PRSS16: variants seen among roughly 807,000 people sequenced by gnomAD.
The protein encoded by PRSS16 is serine protease 16.
Under a neutral mutation model 61.7 loss-of-function variants are expected in PRSS16, and 43 were observed. That is an observed-to-expected ratio of 0.70 (90% confidence interval 0.55 to 0.90). The LOEUF (loss-of-function observed/expected upper bound fraction) is 0.90, where lower values mean the gene tolerates loss of function less well. PRSS16 is among the 40% of genes least tolerant of loss of function. PRSS16 has a pLI of 0.00. For missense variants in PRSS16, 591 were observed against 659.1 expected (o/e 0.90, Z 1.13); for synonymous variants, 273 against 285.2 (o/e 0.96, Z 0.43).
At chr6:27,249,639 A>G (rs1333948734) in intron 4 of PRSS16, among the ~76,000 whole-genome samples, 1 of 152,244 alleles carries the variant, frequency 6.6e-6, no homozygotes, top group African/African-American at 2.4e-5. Context: ...TCCCTCAGAC[A>G]TCTTCTGTAT....
chr6:27,254,903 G>A (rs1159263116), intron 10 of PRSS16, 31 bp downstream of exon 10: 1 of 1,612,594 alleles, frequency 6.2e-7, no homozygotes, highest in Non-Finnish European at 8.5e-7. Flanking sequence ...TGGCTGCTAA[G>A]CCTCCACCTA....
In PRSS16 at chr6:27,254,695, G is replaced by A; in HGVS notation, c.1153G>A (p.Val385Ile). 1.2e-6 allele frequency: 2 copies of A among 1,611,300 alleles called. No homozygotes were observed. Among genetic ancestry groups the A allele is most frequent in the Non-Finnish European group, 1.7e-6 (2 of 1,177,510 alleles). Residue 385 changes from valine to isoleucine, a missense_variant and splice_region_variant, in exon 10 of 12, where the codon GTC (valine) becomes ATC (isoleucine). Val to Ile is a conservative substitution (Grantham distance 29, BLOSUM62 3). Coordinates refer to ENST00000230582, the MANE Select transcript of PRSS16 (RefSeq NM_005865.4). ...YQTCTEFGFY[V>I]TCENPRCPFS... ...CTTACAGGTATCTCCCTACACAGAT[G>A]TCACCTGTGAGAATCCCAGATGTCC...
In PRSS16 at chr6:27,252,429, A is replaced by G. The variant is rs1358039533; in HGVS notation, c.1009-379A>G. On this transcript the variant is annotated intron_variant, in intron 8 of 11. Transcript: ENST00000230582. This position sits in a 1 kb window ranked among gnomAD's most constrained non-coding sequence, Gnocchi z 4.2. ...ACCTGGGACTGCAGCCTCTAAATCC[A>G]CAACTGCAATCCAGCTGTCGCTTTT... Among the ~76,000 whole-genome samples the G allele has an allele frequency of 2.0e-5, 3 of 152,214 alleles. No individual in the cohort carries two copies. Among genetic ancestry groups the G allele is most frequent in the Admixed American group, 2.0e-4 (3 of 15,282 alleles).
At position 27,251,833 on chromosome 6, in the gene PRSS16, G is replaced by A. The variant is rs1759915162; in HGVS notation, c.801G>A (p.Thr267=). The stretch of plus-strand genomic sequence containing the variant: ...GGGCGGCTCAAGCAGCATTGCGGAC[G>A]GAGCTGAGCGCTTGCGGGCCCCTGG... ...SGGAAQAALR[T]ELSACGPLGR... Residue 267 remains threonine, a synonymous_variant, in exon 8 of 12, where the codon ACG becomes ACA. Transcript: ENST00000230582. This position sits in a 1 kb window ranked among gnomAD's most constrained non-coding sequence, Gnocchi z 5.6. 1 of 1,612,240 alleles carries A rather than the reference G, an allele frequency of 6.2e-7. No individual in the cohort carries two copies. Among genetic ancestry groups the A allele is most frequent in the South Asian group, 1.1e-5 (1 of 90,978 alleles).
Position 27,252,310 on chromosome 6 carries a change from G to A in PRSS16, c.1008+270G>A, listed in dbSNP as rs1205332575. 5 of 467,414 alleles carry A rather than the reference G, an allele frequency of 1.1e-5. No individual in the cohort carries two copies. The highest frequency in any genetic ancestry group is 1.1e-3 in the Middle Eastern group (2 of 1,846). 29.0% of individuals were successfully genotyped at this position (467,414 alleles called of 1,614,324 possible). The stretch of plus-strand genomic sequence containing the variant: ...ATCCTGTCCTGTTCTCTTTTGGGGG[G>A]CCTGCAGGAGTGCCTGGCACATGGC... On this transcript the variant is annotated intron_variant, in intron 8 of 11. Coordinates refer to ENST00000230582, the MANE Select transcript of PRSS16 (RefSeq NM_005865.4). The surrounding 1 kb of genome is among the most constrained non-coding windows in gnomAD (Gnocchi z 4.2).
rs1364240637 is a variant in PRSS16, at chr6:27,252,990, A to G, written c.1150+41A>G. ...AACCCTAACTTTGTCCCCTCAAACA[A>G]CCTTTTTACTATGCCCAGAGAAGTC... is the stretch of plus-strand genomic sequence containing the variant. On this transcript the variant is annotated intron_variant, in intron 9 of 11. Coordinates refer to ENST00000230582, the MANE Select transcript of PRSS16 (RefSeq NM_005865.4). The surrounding 1 kb of genome is among the most constrained non-coding windows in gnomAD (Gnocchi z 4.2). 5.0e-6 allele frequency: 8 copies of G among 1,613,380 alleles called. No homozygotes were observed. Among genetic ancestry groups the G allele is most frequent in the Non-Finnish European group, 6.8e-6 (8 of 1,179,516 alleles).
Position 27,252,217 on chromosome 6 carries a change from G to A in PRSS16, c.1008+177G>A, listed in dbSNP as rs1033959692. ...GATGAAATGAGGCGGGTCATGTAGAGCAATCAGCTGGGAGCCTGGCACACA... is the reference window on the plus strand; with the variant it reads ...GATGAAATGAGGCGGGTCATGTAGAACAATCAGCTGGGAGCCTGGCACACA... On this transcript the variant is annotated intron_variant, in intron 8 of 11. Coordinates refer to ENST00000230582, the MANE Select transcript of PRSS16 (RefSeq NM_005865.4). The surrounding 1 kb of genome is among the most constrained non-coding windows in gnomAD (Gnocchi z 4.2). 38 of 754,824 alleles carry A rather than the reference G, an allele frequency of 5.0e-5. No individual in the cohort carries two copies. Among genetic ancestry groups the A allele is most frequent in the Non-Finnish European group, 7.2e-5 (36 of 497,078 alleles). 46.8% of individuals were successfully genotyped at this position (754,824 alleles called of 1,614,324 possible). A position where few individuals can be genotyped will look rare whatever the true frequency, so the allele number is the denominator to read the frequency against.
chr6:27,250,530 G>A (rs375566464), intron 4 of PRSS16, among the ~76,000 whole-genome samples, 153 bp from the exon 5 acceptor site: 29 of 152,348 alleles, frequency 1.9e-4, no homozygotes, highest in African/African-American at 7.0e-4. Context: ...TATGTGGCTT[G>A]GAGAACACTT....
At chr6:27,254,923 C>T (rs1319168454) in intron 10 of PRSS16, 51 bp downstream of exon 10, 1 of 1,611,648 alleles carries the variant, frequency 6.2e-7, no homozygotes, top group Non-Finnish European at 8.5e-7. Context: ...AGCCCCAGCT[C>T]AACATAGCCT....
intron 9 of PRSS16, chr6:27,254,409 G>A (rs1323557335): frequency 2.7e-6 from 1 of 371,954 alleles, no homozygotes; most frequent in African/African-American, 2.0e-5. Context: ...GTTTGGCTCA[G>A]TTCTACTAAT....
chr6:27,251,816 C>G lies in PRSS16; in HGVS notation c.784C>G (p.Gln262Glu), dbSNP rs1251627200. 2 of 1,610,942 alleles carry G rather than the reference C, an allele frequency of 1.2e-6. No individual in the cohort carries two copies. Among genetic ancestry groups the G allele is most frequent in the African/African-American group, 1.3e-5 (1 of 74,866 alleles). Residue 262 changes from glutamine to glutamate, a missense_variant, in exon 8 of 12, where the codon CAA (glutamine) becomes GAA (glutamate). Coordinates refer to ENST00000230582, the MANE Select transcript of PRSS16 (RefSeq NM_005865.4). This position sits in a 1 kb window ranked among gnomAD's most constrained non-coding sequence, Gnocchi z 5.6. ...ERRLRSGGAA[Q>E]AALRTELSAC... ...GCGGCTGCGCTCGGGTGGGGCGGCT[C>G]AAGCAGCATTGCGGACGGAGCTGAG...
At chr6:27,248,106 A>G in intron 2 of PRSS16, 58 bp downstream of exon 2, 3 of 1,550,270 alleles carry the variant, frequency 1.9e-6, no homozygotes, top group Non-Finnish European at 1.7e-6. Context: ...AGTCTCCCTC[A>G]TCTCTTCCTC....
rs1318664232 is a variant in PRSS16 at position 27,251,187 on chromosome 6, C to T, written c.670-30C>T. The T allele has an allele frequency of 1.9e-6, 3 of 1,613,548 alleles. No homozygotes were observed. The highest frequency in any genetic ancestry group is 1.1e-5 in the South Asian group (1 of 91,076). ...AGCGGGCGGAGTCCCTTGACACTTC[C>T]GGATACCTTCCTCTGCGGTCCGCCC... On this transcript the variant is annotated intron_variant, in intron 6 of 11. Coordinates refer to ENST00000230582, the MANE Select transcript of PRSS16 (RefSeq NM_005865.4). The surrounding 1 kb of genome is among the most constrained non-coding windows in gnomAD (Gnocchi z 5.6).
At chr6:27,249,033 G>C in intron 3 of PRSS16, 67 bp from the exon 4 acceptor site, 1 of 1,502,092 alleles carries the variant, frequency 6.7e-7, no homozygotes, top group Non-Finnish European at 9.2e-7. Flanking sequence ...TGAGACCTGA[G>C]GAGTGAAAGG....
rs1282948390 is a variant in PRSS16 at position 27,252,635 on chromosome 6, C to G, written c.1009-173C>G. 1.3e-5 allele frequency among the ~76,000 whole-genome samples: 2 copies of G among 152,200 alleles called. No homozygotes were observed. Among genetic ancestry groups the G allele is most frequent in the Non-Finnish European group, 2.9e-5 (2 of 68,048 alleles). ...TCTCAGTCTTCTAGTGCATTGATCT[C>G]TAACTCACAAGGACCCAGGCATCCA... On this transcript the variant is annotated intron_variant, in intron 8 of 11. Coordinates refer to ENST00000230582, the MANE Select transcript of PRSS16 (RefSeq NM_005865.4). This position sits in a 1 kb window ranked among gnomAD's most constrained non-coding sequence, Gnocchi z 4.2.
rs756472444 is a variant in PRSS16, at chr6:27,254,816, C to T, written c.1274C>T (p.Thr425Met). Reference sequence around the variant, plus strand: ...TCAGTAGCCCAGGCTGTGGCTCAGACGAACTCCTACTACGGTGGCCAGACC... The same window carrying T: ...TCAGTAGCCCAGGCTGTGGCTCAGATGAACTCCTACTACGGTGGCCAGACC... The part of the protein sequence containing the change: ...ALSVAQAVAQ[T>M]NSYYGGQTPG... Residue 425 changes from threonine to methionine, a missense_variant, in exon 10 of 12, where the codon ACG (threonine) becomes ATG (methionine). By Grantham distance (81) the Thr-to-Met change is moderately conservative (BLOSUM62 -1). Coordinates refer to ENST00000230582, the MANE Select transcript of PRSS16 (RefSeq NM_005865.4). The T allele has an allele frequency of 5.7e-5, 92 of 1,614,072 alleles. No individual in the cohort carries two copies. Among genetic ancestry groups the T allele is most frequent in the Non-Finnish European group, 6.8e-5 (80 of 1,180,040 alleles).
chr6:27,251,599 C>G lies in PRSS16; in HGVS notation c.718-151C>G. 1 of 527,902 alleles carries G rather than the reference C, an allele frequency of 1.9e-6. No individual in the cohort carries two copies. The highest frequency in any genetic ancestry group is 2.4e-6 in the Non-Finnish European group (1 of 419,458). The allele number at this position is 527,902 out of a possible 1,614,324, so 32.7% of individuals were successfully genotyped here. A position where few individuals can be genotyped will look rare whatever the true frequency, so the allele number is the denominator to read the frequency against. ...GAGGCAGGGGATTGGGGGCGGGGGC[C>G]TGGGGGCGGGGGCCTGGGCCAAGAG... On this transcript the variant is annotated intron_variant, in intron 7 of 11. Transcript: ENST00000230582. This position sits in a 1 kb window ranked among gnomAD's most constrained non-coding sequence, Gnocchi z 5.6.
chr6:27,250,920 G>T lies in PRSS16; in HGVS notation c.591+114G>T. 5 of 1,557,966 alleles carry T rather than the reference G, an allele frequency of 3.2e-6. No individual in the cohort carries two copies. In the South Asian group the frequency reaches 5.8e-5, roughly 18 times the overall value. ...CCCCTACCTTCCTCCCGCGCCCAAA[G>T]AATTTTGCACAAGCTGTCCTCACAA... On this transcript the variant is annotated intron_variant, in intron 5 of 11. Coordinates refer to ENST00000230582, the MANE Select transcript of PRSS16 (RefSeq NM_005865.4).
At chr6:27,253,644 A>C (rs1042176721) in intron 9 of PRSS16, 1 of 199,434 alleles carries the variant, frequency 5.0e-6, no homozygotes, top group African/African-American at 2.3e-5. Flanking sequence ...CAAATACTAC[A>C]TATGGTAAAT....
Sources: gnomAD v4.1 joint callset for allele counts (sites outside exome capture counted in the v4.1 genomes callset) on GRCh38, gnomAD v4.1.1 for gene constraint, Gnocchi (gnomAD v3.1) non-coding constraint, MANE v1.5 for transcripts, NCBI Gene and HGNC (gene_info 2026-07-23, HGNC 2026-07-21) for gene names.